The following ACSM4 variants were observed in gnomAD, a reference collection of about 807,000 sequenced individuals.
ACSM4 encodes the protein acyl-CoA synthetase medium chain family member 4.
ACSM4 carries 66 observed loss-of-function variants against 73.0 expected under a neutral mutation model. That is an observed-to-expected ratio of 0.90 (90% CI 0.74 to 1.11). ACSM4 has a LOEUF of 1.11. Among genes scored for constraint, ACSM4 ranks in the 50% least tolerant of loss-of-function variants. ACSM4 has a pLI of 0.00. For synonymous variants in ACSM4, 222 were observed against 254.0 expected (o/e 0.87, Z 1.20); for missense variants, 645 against 714.4 (o/e 0.90, Z 1.11).
At chr12:7,324,697 T>A (rs1168280052) in intron 11 of ACSM4, 99 bp downstream of exon 11, 1 of 1,339,598 alleles carries the variant, frequency 7.5e-7, no homozygotes, top group African/African-American at 1.5e-5. Flanking sequence ...AATCTATTAA[T>A]TCTCGTTATG....
intron 3 of ACSM4, among the ~76,000 whole-genome samples, chr12:7,311,521 G>A (rs758688518): frequency 6.6e-6 from 1 of 152,114 alleles, no homozygotes; most frequent in Non-Finnish European, 1.5e-5. Context: ...AGAACTACAA[G>A]CCACTCTATT....
At chr12:7,327,142 G>T in intron 12 of ACSM4, 47 bp downstream of exon 12, 1 of 1,525,672 alleles carries the variant, frequency 6.6e-7, no homozygotes, top group Non-Finnish European at 8.8e-7. Context: ...CCAAACTAGG[G>T]TCTAAGCTAG....
chr12:7,326,212 T>G (rs1946504076), intron 11 of ACSM4, among the ~76,000 whole-genome samples: 2 of 152,210 alleles, frequency 1.3e-5, no homozygotes. Context: ...GGCTTTGTTT[T>G]GTTTTTTTGA....
intron 2 of ACSM4, among the ~76,000 whole-genome samples, chr12:7,310,079 G>A (rs911383943): frequency 8.5e-5 from 13 of 152,158 alleles, no homozygotes; most frequent in African/African-American, 2.7e-4. Flanking sequence ...AAGCCACCGC[G>A]CCTGGCAGGA....
chr12:7,319,745 A>T (rs1281514259), intron 5 of ACSM4, among the ~76,000 whole-genome samples: 1 of 152,320 alleles, frequency 6.6e-6, no homozygotes, highest in East Asian at 1.9e-4. Context: ...CTTACTTAAC[A>T]TAAATGTACA....
At chr12:7,321,097 A>G (rs1419151179) in intron 6 of ACSM4, among the ~76,000 whole-genome samples, 1 of 152,152 alleles carries the variant, frequency 6.6e-6, no homozygotes, top group Non-Finnish European at 1.5e-5. Context: ...TCCCTAGTCT[A>G]AGAACCACTG....
chr12:7,310,402 T>C, intron 2 of ACSM4, 137 bp from the exon 3 acceptor site: 1 of 805,714 alleles, frequency 1.2e-6, no homozygotes, highest in Non-Finnish European at 2.0e-6. Context: ...CTGTGCAATA[T>C]CCTTGGGCAT....
At chr12:7,305,767 C>A (rs1316686495) in intron 1 of ACSM4, among the ~76,000 whole-genome samples, 1 of 152,196 alleles carries the variant, frequency 6.6e-6, no homozygotes, top group Non-Finnish European at 1.5e-5. Flanking sequence ...CACAGACGAA[C>A]TGACATGTCA....
intron 7 of ACSM4, 54 bp from the exon 8 acceptor site, chr12:7,323,180 T>C: frequency 2.0e-6 from 3 of 1,465,006 alleles, no homozygotes; most frequent in Non-Finnish European, 2.8e-6. Flanking sequence ...TGCCATGATA[T>C]AGTTTCAGAA....
At chr12:7,313,639 C>T (rs1946402655) in intron 3 of ACSM4, among the ~76,000 whole-genome samples, 1 of 152,062 alleles carries the variant, frequency 6.6e-6, no homozygotes, top group Admixed American at 6.6e-5. Context: ...TGTCCTAGTA[C>T]AAAGGACCGT....
chr12:7,317,409 C>T lies in ACSM4; in HGVS notation c.764+129C>T, dbSNP rs1205170716. ...CAATTATAATAGCTACAAAACAGAACTCTTGCTGGCCCCGCCCAACCTAGC... is the reference window on the plus strand; with the variant it reads ...CAATTATAATAGCTACAAAACAGAATTCTTGCTGGCCCCGCCCAACCTAGC... On this transcript the variant is annotated intron_variant, in intron 4 of 12. Transcript: ENST00000399422. The T allele has an allele frequency of 2.3e-6, 3 of 1,300,156 alleles. No homozygotes were observed. In the South Asian group the frequency reaches 5.3e-5, roughly 23 times the overall value. 80.5% of individuals were successfully genotyped at this position (1,300,156 alleles called of 1,614,324 possible).
rs774685519 is a variant in ACSM4 at position 7,317,256 on chromosome 12, G to T, written c.740G>T (p.Gly247Val). The change falls in exon 4 of 13, where the codon GGC (glycine) becomes GTC (valine). Residue 247 changes from glycine (G) to valine (V), a missense_variant. By Grantham distance (109) the Gly-to-Val change is moderately radical. Coordinates refer to ENST00000399422, the MANE Select transcript of ACSM4 (RefSeq NM_001080454.2). ...GCCCAGCACTCTCAGAGCAGCCTCG[G>T]CATTGGGTTCACCCTCTGCGGAAGG... Reference protein sequence around the residue: ...KMAQHSQSSLGIGFTLCGRYW... With the variant: ...KMAQHSQSSLVIGFTLCGRYW... 4 of 1,584,848 alleles carry T rather than the reference G, an allele frequency of 2.5e-6. No homozygotes were observed.
chr12:7,311,075 A>G (rs2136329793), intron 3 of ACSM4, among the ~76,000 whole-genome samples: 1 of 152,164 alleles, frequency 6.6e-6, no homozygotes, highest in South Asian at 2.1e-4. Flanking sequence ...CTGAGGCAGG[A>G]GAATTGCTTG....
chr12:7,317,254 C>T lies in ACSM4; in HGVS notation c.738C>T (p.Leu246=), dbSNP rs372292869. ...PKMAQHSQSS[L]GIGFTLCGRY... ...TGGCCCAGCACTCTCAGAGCAGCCT[C>T]GGCATTGGGTTCACCCTCTGCGGAA... The change falls in exon 4 of 13, where the codon CTC becomes CTT. Residue 246 remains leucine (L), a synonymous_variant. Transcript: ENST00000399422. 124 of 1,586,180 alleles carry T rather than the reference C, an allele frequency of 7.8e-5. No homozygotes were observed. Among genetic ancestry groups the T allele is most frequent in the Admixed American group, 1.5e-4 (8 of 55,158 alleles).
chr12:7,321,187 A>C (rs866141070), intron 6 of ACSM4, among the ~76,000 whole-genome samples: 6 of 152,318 alleles, frequency 3.9e-5, no homozygotes, highest in South Asian at 2.1e-4. Context: ...TCAAAAAAAA[A>C]TTGTCCTCTA....
Position 7,328,316 on chromosome 12 carries a change from A to C in ACSM4, c.1686A>C (p.Thr562=). The change falls in exon 13 of 13, where the codon ACA becomes ACC. Residue 562 remains threonine (T), a synonymous_variant. Coordinates refer to ENST00000399422, the MANE Select transcript of ACSM4 (RefSeq NM_001080454.2). ...KVEFVQELPK[T]ITGKIKRNVL... Reference sequence around the variant, plus strand: ...AATTTGTTCAAGAACTCCCAAAGACAATCACTGGGAAAATCAAACGCAACG... The same window carrying C: ...AATTTGTTCAAGAACTCCCAAAGACCATCACTGGGAAAATCAAACGCAACG... The C allele has an allele frequency of 1.3e-6, 2 of 1,593,576 alleles. No homozygotes were observed. Among genetic ancestry groups the C allele is most frequent in the Non-Finnish European group, 1.7e-6 (2 of 1,169,314 alleles).
At chr12:7,310,392 C>T (rs1946383488) in intron 2 of ACSM4, 147 bp from the exon 3 acceptor site, 2 of 738,978 alleles carry the variant, frequency 2.7e-6, no homozygotes, top group Admixed American at 4.8e-5. Context: ...GATCAGGGTC[C>T]TGTGCAATAT....
In ACSM4 at chr12:7,328,299, C is replaced by A. The variant is rs1946525758; in HGVS notation, c.1669C>A (p.Gln557Lys). ...YKYPRKVEFV[Q>K]ELPKTITGKI... ...TTCTGTCAATTAGGTGGAATTTGTT[C>A]AAGAACTCCCAAAGACAATCACTGG... The change falls in exon 13 of 13, where the codon CAA (glutamine) becomes AAA (lysine). Residue 557 changes from glutamine to lysine, a missense_variant. Gln to Lys is a moderately conservative substitution (Grantham distance 53). Transcript: ENST00000399422. 1 of 1,586,008 alleles carries A rather than the reference C, an allele frequency of 6.3e-7. No homozygotes were observed. The highest frequency in any genetic ancestry group is 1.2e-5 in the South Asian group (1 of 86,306).
chr12:7,306,400 C>T (rs1024351249), intron 1 of ACSM4, 133 bp from the exon 2 acceptor site: 1 of 829,228 alleles, frequency 1.2e-6, no homozygotes, highest in Admixed American at 2.5e-5. Context: ...GCAGTTCCCT[C>T]AAAGACGAAC....
Sources: gnomAD v4.1 joint callset for allele counts (sites outside exome capture counted in the v4.1 genomes callset) on GRCh38, gnomAD v4.1.1 for gene constraint, MANE v1.5 for transcripts, NCBI Gene and HGNC (gene_info 2026-07-23, HGNC 2026-07-21) for gene names.